Variants in TERF1 observed in about 807,000 individuals in gnomAD.
TERF1 encodes the protein telomeric repeat binding factor 1, also known as telomeric repeat-binding factor 1.
In TERF1, 20 loss-of-function variants were observed where a neutral mutation model predicts 55.1. That is an observed-to-expected ratio of 0.36 (90% CI 0.26 to 0.53). TERF1 has a LOEUF of 0.53. TERF1 is among the 20% of genes least tolerant of loss of function. The pLI is 0.91. For missense variants in TERF1, 439 were observed against 535.7 expected (o/e 0.82, Z 1.78); for synonymous variants, 168 against 181.2 (o/e 0.93, Z 0.59).
chr8:73,034,133 G>C (rs1468113280), intron 8 of TERF1, among the ~76,000 whole-genome samples: 1 of 151,702 alleles, frequency 6.6e-6, no homozygotes, highest in Non-Finnish European at 1.5e-5. Context: ...TTGTTTGTTT[G>C]TTTGTTTGTT....
chr8:73,010,351 C>A (rs1045266445), intron 1 of TERF1: 16 of 152,130 alleles, frequency 1.1e-4, no homozygotes, highest in Non-Finnish European at 1.8e-4. Flanking sequence ...GGATAATTAA[C>A]ATTAAGTAGA....
intron 8 of TERF1, among the ~76,000 whole-genome samples, chr8:73,037,786 TAA>T (rs1264924084): frequency 2.0e-5 from 1 of 48,876 alleles, no homozygotes; most frequent in Non-Finnish European, 4.3e-5. Flanking sequence ...ATATTATATA[TAA>T]TATATAGTAT....
chr8:73,022,197 G>C lies in TERF1; in HGVS notation c.538-19G>C. On this transcript the variant is annotated intron_variant, in intron 3 of 9. Transcript: ENST00000276603. ...GTATTTATAAACGCAGTCTAAGGTT[G>C]GTATTTTTCATCTTTTAGGCTATAG... 1 of 1,493,158 alleles carries C rather than the reference G, an allele frequency of 6.7e-7. No homozygotes were observed. Among genetic ancestry groups the C allele is most frequent in the Non-Finnish European group, 9.1e-7 (1 of 1,094,164 alleles). 92.5% of individuals were successfully genotyped at this position (1,493,158 alleles called of 1,614,324 possible). A position where few individuals can be genotyped will look rare whatever the true frequency, so the allele number is the denominator to read the frequency against.
At chr8:73,025,423 G>A (rs554273587) in intron 5 of TERF1, among the ~76,000 whole-genome samples, 83 of 151,238 alleles carry the variant, frequency 5.5e-4, no homozygotes, top group Non-Finnish European at 9.9e-4. Flanking sequence ...TAGCCTGGGC[G>A]ACATGGTGAA....
At chr8:73,026,891 G>C (rs374503863) in intron 5 of TERF1, 49 bp from the exon 6 acceptor site, 17 of 1,366,714 alleles carry the variant, frequency 1.2e-5, no homozygotes, top group Non-Finnish European at 1.7e-5. Context: ...GTTTAAAATG[G>C]CTTAATGCAT....
intron 6 of TERF1, among the ~76,000 whole-genome samples, chr8:73,029,018 T>C (rs1361946887): frequency 6.6e-6 from 1 of 152,018 alleles, no homozygotes. Context: ...AGAAACAGGG[T>C]AAAGATCAAG....
chr8:73,039,317 G>T, intron 9 of TERF1, 98 bp downstream of exon 9: 2 of 831,774 alleles, frequency 2.4e-6, no homozygotes, highest in Non-Finnish European at 3.6e-6. Flanking sequence ...AAAATTTTGA[G>T]TGTAAAATAT....
intron 2 of TERF1, 101 bp downstream of exon 2, chr8:73,014,091 G>A (rs35678862): frequency 2.2e-6 from 2 of 910,812 alleles, no homozygotes; most frequent in Non-Finnish European, 3.5e-6. Context: ...TTGCCTACAA[G>A]TGTCTGGTGC....
Position 73,047,438 on chromosome 8 carries a change from A to G in TERF1, c.*1301A>G, listed in dbSNP as rs1810088325. On this transcript the variant is annotated 3_prime_UTR_variant, in exon 10 of 10. Transcript: ENST00000276603. ...TTCTGTAAAGCTTAAATTGGTATTA[A>G]CTATGATCATCTTGATGTCTATGAT... 1 of 152,186 alleles carries G rather than the reference A, an allele frequency of 6.6e-6. No homozygotes were observed. The highest frequency in any genetic ancestry group is 2.1e-4 in the South Asian group (1 of 4,830). 9.4% of individuals were successfully genotyped at this position (152,186 alleles called of 1,614,324 possible). A position where few individuals can be genotyped will look rare whatever the true frequency, so the allele number is the denominator to read the frequency against.
chr8:73,019,743 A>G (rs1808671353), intron 2 of TERF1, among the ~76,000 whole-genome samples: 1 of 152,112 alleles, frequency 6.6e-6, no homozygotes, highest in African/African-American at 2.4e-5. Context: ...TGCACTTGCC[A>G]TTCCCTCTGG....
intron 8 of TERF1, among the ~76,000 whole-genome samples, chr8:73,032,954 G>C (rs1809352962): frequency 6.6e-6 from 1 of 150,632 alleles, no homozygotes; most frequent in Admixed American, 6.6e-5. Flanking sequence ...GTGCCATGTT[G>C]GTGTGCTGCA....
chr8:73,018,713 C>T (rs963917221), intron 2 of TERF1, among the ~76,000 whole-genome samples: 4 of 152,130 alleles, frequency 2.6e-5, no homozygotes, highest in Non-Finnish European at 5.9e-5. Context: ...AAAAAATTCT[C>T]TTTATTATGC....
intron 2 of TERF1, among the ~76,000 whole-genome samples, chr8:73,017,341 T>C (rs560149528): frequency 7.9e-5 from 12 of 152,316 alleles, no homozygotes; most frequent in Non-Finnish European, 1.8e-4. Flanking sequence ...GATATTTAAG[T>C]GTCTTGGTGT....
At chr8:73,039,699 C>G (rs150121597) in intron 9 of TERF1, among the ~76,000 whole-genome samples, 1 of 151,516 alleles carries the variant, frequency 6.6e-6, no homozygotes, top group Non-Finnish European at 1.5e-5. Flanking sequence ...GTGTCTGAAA[C>G]CATTATTTTA....
chr8:73,032,214 C>A, intron 8 of TERF1, 81 bp downstream of exon 8: 2 of 898,398 alleles, frequency 2.2e-6, no homozygotes, highest in African/African-American at 3.4e-5. Flanking sequence ...ACCACTATAG[C>A]AAAAAAACAC....
chr8:73,042,155 A>G (rs1165150123), intron 9 of TERF1, among the ~76,000 whole-genome samples: 1 of 152,198 alleles, frequency 6.6e-6, no homozygotes, highest in Non-Finnish European at 1.5e-5. Context: ...ATTGGAAACC[A>G]GAAGTCTCTG....
chr8:73,031,925 A>C, intron 7 of TERF1, 117 bp from the exon 8 acceptor site: 1 of 612,802 alleles, frequency 1.6e-6, no homozygotes. Context: ...CACCAAAGGA[A>C]GTAGGCCAAA....
chr8:73,020,422 A>G (rs1808700874), intron 2 of TERF1, among the ~76,000 whole-genome samples: 1 of 152,186 alleles, frequency 6.6e-6, no homozygotes, highest in African/African-American at 2.4e-5. Context: ...TATGTAAAAT[A>G]GTTTACTTTC....
At chr8:73,038,034 CAGTA>C (rs1356138704) in intron 8 of TERF1, among the ~76,000 whole-genome samples, 1 of 146,360 alleles carries the variant, frequency 6.8e-6, no homozygotes, top group African/African-American at 2.6e-5. Context: ...AGAAGGCCAG[CAGTA>C]GGTAGGTAGG....
Sources: allele counts gnomAD v4.1 joint callset (sites outside exome capture counted in the v4.1 genomes callset), GRCh38; gene constraint gnomAD v4.1.1; transcripts MANE v1.5; gene names NCBI Gene and HGNC (gene_info 2026-07-23, HGNC 2026-07-21).